Variants in MAPRE3 observed in about 807,000 individuals in gnomAD.
MAPRE3 encodes microtubule-associated protein RP/EB family member 3.
A neutral mutation model predicts 30.5 loss-of-function variants in MAPRE3; 2 were observed. That is an observed-to-expected ratio of 0.07 (90% CI 0.03 to 0.21). The LOEUF (loss-of-function observed/expected upper bound fraction) is 0.21, where lower values mean the gene tolerates loss of function less well. MAPRE3 is among the 10% of genes least tolerant of loss of function. The pLI is 1.00. For missense variants in MAPRE3, 204 were observed against 351.8 expected, an observed-to-expected ratio of 0.58 and a Z score of 3.36; for synonymous variants, 110 against 127.7, an observed-to-expected ratio of 0.86 and a Z score of 0.93.
intron 1 of MAPRE3, among the ~76,000 whole-genome samples, chr2:26,996,034 G>A (rs1211614427): frequency 6.6e-6 from 1 of 151,922 alleles, no homozygotes; most frequent in East Asian, 1.9e-4. Flanking sequence ...GGAACCTGGT[G>A]TGAGTCCAAA....
intron 4 of MAPRE3, among the ~76,000 whole-genome samples, chr2:27,025,225 T>C (rs1052463467): frequency 2.0e-5 from 3 of 152,202 alleles, no homozygotes; most frequent in Non-Finnish European, 4.4e-5. Context: ...GCCTTTCCTC[T>C]AGCTATGAGT....
At chr2:27,017,971 A>G (rs1345771442) in intron 1 of MAPRE3, among the ~76,000 whole-genome samples, 1 of 152,226 alleles carries the variant, frequency 6.6e-6, no homozygotes, top group Non-Finnish European at 1.5e-5. Context: ...GGCCTGAACC[A>G]TTAGCAGGTC....
chr2:27,016,090 C>T (rs1479555475), intron 1 of MAPRE3, among the ~76,000 whole-genome samples: 2 of 152,182 alleles, frequency 1.3e-5, no homozygotes. Flanking sequence ...TAGCAGGAGT[C>T]GAGGCCCTTC....
At chr2:26,983,276 G>A (rs1666152561) in intron 1 of MAPRE3, among the ~76,000 whole-genome samples, 2 of 152,190 alleles carry the variant, frequency 1.3e-5, no homozygotes, top group Non-Finnish European at 2.9e-5. Flanking sequence ...TCTTCCAGGA[G>A]CCCACTGGGT....
At chr2:26,994,019 G>A (rs1666403780) in intron 1 of MAPRE3, among the ~76,000 whole-genome samples, 1 of 152,232 alleles carries the variant, frequency 6.6e-6, no homozygotes, top group South Asian at 2.1e-4. Flanking sequence ...ATCTTTGTGT[G>A]TGGGAGCTGT....
intron 1 of MAPRE3, among the ~76,000 whole-genome samples, chr2:26,980,946 A>C (rs1666102138): frequency 6.6e-6 from 1 of 152,180 alleles, no homozygotes; most frequent in Non-Finnish European, 1.5e-5. Context: ...TGAAGAGAAG[A>C]GGGCATGGCT....
chr2:27,014,479 C>T lies in MAPRE3; in HGVS notation c.-7-7733C>T, dbSNP rs562335018. 5 of 152,240 alleles carry T rather than the reference C, an allele frequency of 3.3e-5. No individual in the cohort carries two copies. The East Asian group carries it at 9.6e-4, about 29-fold the overall frequency. The allele number at this position is 152,240 out of a possible 1,614,324, so 9.4% of individuals were successfully genotyped here. ...CTAAAAGTGTTGTGAGAACAAAATC[C>T]TGGAGGAGTTTCAGTCCCTACCTGA... On this transcript the variant is annotated intron_variant, in intron 1 of 6. Coordinates refer to ENST00000233121, the MANE Select transcript of MAPRE3 (RefSeq NM_012326.4).
chr2:26,980,901 G>T (rs1029698372), intron 1 of MAPRE3, among the ~76,000 whole-genome samples: 2 of 152,152 alleles, frequency 1.3e-5, no homozygotes, highest in South Asian at 2.1e-4. Context: ...AAAGCAAAAA[G>T]GAATGATCTT....
intron 1 of MAPRE3, among the ~76,000 whole-genome samples, chr2:27,014,263 C>T (rs2148221865): frequency 6.6e-6 from 1 of 152,280 alleles, no homozygotes; most frequent in East Asian, 1.9e-4. Flanking sequence ...AAGTTATGGT[C>T]AGATAGGGTG....
intron 1 of MAPRE3, among the ~76,000 whole-genome samples, chr2:26,981,936 T>C (rs1443821963): frequency 6.6e-6 from 1 of 152,222 alleles, no homozygotes; most frequent in Non-Finnish European, 1.5e-5. Context: ...GCCATGCCTC[T>C]CTGGCCTCTG....
At chr2:26,990,940 T>C (rs2148205163) in intron 1 of MAPRE3, among the ~76,000 whole-genome samples, 1 of 152,320 alleles carries the variant, frequency 6.6e-6, no homozygotes, top group East Asian at 1.9e-4. Flanking sequence ...ACTCAGTGGG[T>C]GCGCACCACG....
intron 1 of MAPRE3, among the ~76,000 whole-genome samples, chr2:27,021,793 C>T (rs1667115020): frequency 6.6e-6 from 1 of 152,196 alleles, no homozygotes; most frequent in South Asian, 2.1e-4. Context: ...CCACCCATCC[C>T]TTTTTATGTC....
rs1468736422 is a variant in MAPRE3, at chr2:27,027,073, C to G, written c.*725C>G. ...CTCCCTCCAGCAGCCTGGTTCACCA[C>G]ACAAACTCTGCCTGGACCCCATTGT... On this transcript the variant is annotated 3_prime_UTR_variant, in exon 7 of 7. Transcript: ENST00000233121. 6.6e-6 allele frequency: 1 copy of G among 152,576 alleles called. No homozygotes were observed. The highest frequency in any genetic ancestry group is 1.5e-5 in the Non-Finnish European group (1 of 68,310). 9.5% of individuals were successfully genotyped at this position (152,576 alleles called of 1,614,324 possible). A position where few individuals can be genotyped will look rare whatever the true frequency, so the allele number is the denominator to read the frequency against.
At chr2:27,004,728 TAA>T (rs563188243) in intron 1 of MAPRE3, among the ~76,000 whole-genome samples, 37 of 120,350 alleles carry the variant, frequency 3.1e-4, no homozygotes, top group South Asian at 7.8e-4. Flanking sequence ...AAGGATCTAG[TAA>T]AAAAAAAAAA....
intron 1 of MAPRE3, among the ~76,000 whole-genome samples, chr2:27,016,297 G>A (rs1666981649): frequency 6.6e-6 from 1 of 151,940 alleles, no homozygotes; most frequent in South Asian, 2.1e-4. Context: ...CCCCCTCCGA[G>A]TGGCTACCTA....
At position 26,986,372 on chromosome 2, in the gene MAPRE3, C is replaced by T. The variant is rs1441416354; in HGVS notation, c.-8+15570C>T. The T allele has an allele frequency of 6.6e-6, 1 of 152,206 alleles. No individual in the cohort carries two copies. Among genetic ancestry groups the T allele is most frequent in the Non-Finnish European group, 1.5e-5 (1 of 68,032 alleles). The allele number at this position is 152,206 out of a possible 1,614,324, so 9.4% of individuals were successfully genotyped here. A position where few individuals can be genotyped will look rare whatever the true frequency, so the allele number is the denominator to read the frequency against. ...TATGTTCCAGGGATTAGGACACGGA[C>T]ATCTTTGAGAACCTACCATAGTCTG... On this transcript the variant is annotated intron_variant, in intron 1 of 6. Transcript: ENST00000233121. This position sits in a 1 kb window ranked among gnomAD's most constrained non-coding sequence, Gnocchi z 4.2.
Position 26,986,408 on chromosome 2 carries a change from T to C in MAPRE3, c.-8+15606T>C, listed in dbSNP as rs980245646. 2.0e-5 allele frequency: 3 copies of C among 152,198 alleles called. No homozygotes were observed. The highest frequency in any genetic ancestry group is 7.2e-5 in the African/African-American group (3 of 41,444). The allele number at this position is 152,198 out of a possible 1,614,324, so 9.4% of individuals were successfully genotyped here. A position where few individuals can be genotyped will look rare whatever the true frequency, so the allele number is the denominator to read the frequency against. On this transcript the variant is annotated intron_variant, in intron 1 of 6. Coordinates refer to ENST00000233121, the MANE Select transcript of MAPRE3 (RefSeq NM_012326.4). The surrounding 1 kb of genome is among the most constrained non-coding windows in gnomAD (Gnocchi z 4.2). ...ACCTACCATAGTCTGTAAGCCTAAA[T>C]GGTATGGGTATGTTCAAATTAGATG...
At chr2:27,026,098 A>G in intron 6 of MAPRE3, 66 bp downstream of exon 6, 4 of 1,571,200 alleles carry the variant, frequency 2.5e-6, no homozygotes, top group Non-Finnish European at 3.5e-6. Flanking sequence ...GAAGCGCGAT[A>G]GGGCCAGAAG....
chr2:26,984,927 C>T (rs573718141), intron 1 of MAPRE3: 18 of 152,174 alleles, frequency 1.2e-4, no homozygotes, highest in Non-Finnish European at 2.6e-4. Context: ...CTGTTTTGAA[C>T]TCACCCCTAG....
Sources: gnomAD v4.1 joint callset for allele counts (sites outside exome capture counted in the v4.1 genomes callset) on GRCh38, gnomAD v4.1.1 for gene constraint, Gnocchi (gnomAD v3.1) non-coding constraint, MANE v1.5 for transcripts, NCBI Gene and HGNC (gene_info 2026-07-23, HGNC 2026-07-21) for gene names.